The following SPTLC1 variants were observed in gnomAD, a reference collection of about 807,000 sequenced individuals.
SPTLC1 encodes serine palmitoyltransferase long chain base subunit 1, also known as serine palmitoyltransferase 1.
A neutral mutation model predicts 68.9 loss-of-function variants in SPTLC1; 55 were observed. The ratio of observed to expected loss-of-function variants is 0.80; its 90% CI spans 0.64 to 1.00. The LOEUF (loss-of-function observed/expected upper bound fraction) is 1.00, where lower values mean the gene tolerates loss of function less well. SPTLC1 is among the 50% of genes least tolerant of loss of function. SPTLC1 has a pLI of 0.00. For missense variants in SPTLC1, 449 were observed against 573.1 expected, an observed-to-expected ratio of 0.78 and a Z score of 2.21; for synonymous variants, 197 against 201.6, an observed-to-expected ratio of 0.98 and a Z score of 0.19.
At chr9:92,039,480 A>T (rs1270578111) in intron 12 of SPTLC1, among the ~76,000 whole-genome samples, 7 of 152,134 alleles carry the variant, frequency 4.6e-5, no homozygotes, top group Non-Finnish European at 8.8e-5. Context: ...GCTGCAGTGC[A>T]GTGGCACGAT....
intron 12 of SPTLC1, among the ~76,000 whole-genome samples, chr9:92,044,242 A>G (rs903897147): frequency 3.3e-5 from 5 of 152,224 alleles, no homozygotes; most frequent in African/African-American, 1.2e-4. Flanking sequence ...TGAGAAGAAA[A>G]GAGAAGCACA....
At chr9:92,045,933 C>T (rs77660866) in intron 12 of SPTLC1, 66 bp downstream of exon 12, 17,713 of 1,471,878 alleles carry the variant, frequency 0.012, 460 homozygotes, top group African/African-American at 0.098. Context: ...AAATTTAAAA[C>T]TTTCCATTAG....
chr9:92,046,537 G>C (rs1380988886), intron 11 of SPTLC1, among the ~76,000 whole-genome samples: 1 of 152,136 alleles, frequency 6.6e-6, no homozygotes, highest in African/African-American at 2.4e-5. Context: ...TGAGCACAGA[G>C]ACACACATTT....
intron 13 of SPTLC1, among the ~76,000 whole-genome samples, chr9:92,037,507 G>A (rs753047331): frequency 1.3e-5 from 2 of 152,172 alleles, no homozygotes; most frequent in African/African-American, 2.4e-5. Context: ...CCCACTGCCC[G>A]TCCTGAGTCC....
At chr9:92,108,271 A>G in intron 3 of SPTLC1, 2 of 168,354 alleles carry the variant, frequency 1.2e-5, no homozygotes, top group Admixed American at 1.1e-4. Context: ...AGACACTGGA[A>G]GCAAGGAGGA....
intron 12 of SPTLC1, among the ~76,000 whole-genome samples, chr9:92,039,598 A>G (rs1833271110): frequency 6.6e-6 from 1 of 152,192 alleles, no homozygotes; most frequent in South Asian, 2.1e-4. Context: ...ATATATGTCT[A>G]TTTGAAACTG....
chr9:92,077,430 T>C lies in SPTLC1; in HGVS notation c.427+2586A>G, dbSNP rs546271802. ...GGACAGGACCTTACCTGGTCGTCTA[T>C]AGTACCCCAACCACAGTCGTCTGCA... On this transcript the variant is annotated intron_variant, in intron 5 of 14. Transcript: ENST00000262554. Among the ~76,000 whole-genome samples the C allele has an allele frequency of 3.2e-4, 48 of 152,244 alleles. 1 individual carries two copies. The highest frequency in any genetic ancestry group is 9.6e-5 in the African/African-American group (4 of 41,544).
At chr9:92,053,163 AT>A (rs1310332331) in intron 8 of SPTLC1, among the ~76,000 whole-genome samples, 2 of 152,178 alleles carry the variant, frequency 1.3e-5, no homozygotes, top group Non-Finnish European at 2.9e-5. Context: ...GCTCAGCATC[AT>A]TAGCCATTTG....
intron 3 of SPTLC1, among the ~76,000 whole-genome samples, chr9:92,093,719 T>C (rs1835444245): frequency 6.6e-6 from 1 of 152,148 alleles, no homozygotes; most frequent in Admixed American, 6.5e-5. Flanking sequence ...AACTACAAAC[T>C]CAATGCAATC....
chr9:92,039,656 G>A (rs34640749), intron 12 of SPTLC1, among the ~76,000 whole-genome samples: 6,095 of 152,120 alleles, frequency 0.04, 164 homozygotes, highest in South Asian at 0.09. Flanking sequence ...CACCTAAAAC[G>A]ATTTGTTTTT....
At chr9:92,079,042 T>C (rs1790945065) in intron 5 of SPTLC1, 3 of 964,414 alleles carry the variant, frequency 3.1e-6, no homozygotes, top group South Asian at 9.6e-5. Context: ...TAAGCCAAAA[T>C]GCTATTTCCA....
intron 5 of SPTLC1, chr9:92,079,398 T>A: frequency 6.7e-7 from 1 of 1,490,324 alleles, no homozygotes; most frequent in Non-Finnish European, 8.9e-7. Context: ...TAATAACATT[T>A]TCAGGAGCAA....
intron 13 of SPTLC1, among the ~76,000 whole-genome samples, chr9:92,037,298 A>C (rs1833174204): frequency 6.6e-6 from 1 of 152,208 alleles, no homozygotes. Context: ...TGACCCCAGA[A>C]ACCTAGTAGC....
intron 14 of SPTLC1, among the ~76,000 whole-genome samples, chr9:92,033,809 G>C (rs1032217140): frequency 1.4e-4 from 21 of 152,250 alleles, no homozygotes; most frequent in Admixed American, 1.2e-3. Context: ...GGTCTCCCAG[G>C]TGTTGAGGTT....
chr9:92,093,869 T>C (rs1835447608), intron 3 of SPTLC1, among the ~76,000 whole-genome samples: 1 of 152,150 alleles, frequency 6.6e-6, no homozygotes, highest in African/African-American at 2.4e-5. Flanking sequence ...ACTGTAATAT[T>C]TGCAGGTAGG....
intron 3 of SPTLC1, among the ~76,000 whole-genome samples, chr9:92,095,140 T>C (rs1362291395): frequency 6.6e-6 from 1 of 152,098 alleles, no homozygotes; most frequent in Non-Finnish European, 1.5e-5. Flanking sequence ...AGGTAAAAGA[T>C]ATGAAGAGGC....
intron 1 of SPTLC1, 21 bp downstream of exon 1, chr9:92,115,293 C>T (rs745519733): frequency 4.3e-6 from 7 of 1,611,182 alleles, no homozygotes; most frequent in Non-Finnish European, 5.1e-6. Context: ...GGTCGCGGAC[C>T]GCTAATGGCG....
chr9:92,071,962 A>C (rs960686186), intron 5 of SPTLC1, among the ~76,000 whole-genome samples: 5 of 152,126 alleles, frequency 3.3e-5, no homozygotes, highest in African/African-American at 1.2e-4. Context: ...CCAGCCCCTA[A>C]CTGTAACTTT....
At chr9:92,087,956 G>A (rs886538988) in intron 3 of SPTLC1, among the ~76,000 whole-genome samples, 9 of 152,236 alleles carry the variant, frequency 5.9e-5, no homozygotes, top group Admixed American at 5.2e-4. Flanking sequence ...AATGGCGGGC[G>A]CCCCTCTCCC....
Sources: gnomAD v4.1 joint callset for allele counts (sites outside exome capture counted in the v4.1 genomes callset) on GRCh38, gnomAD v4.1.1 for gene constraint, MANE v1.5 for transcripts, NCBI Gene and HGNC (gene_info 2026-07-23, HGNC 2026-07-21) for gene names.